EIF3L: variants seen among roughly 807,000 people sequenced by gnomAD.
EIF3L encodes eIEF associated protein HSPC021.
In EIF3L, 32 loss-of-function variants were observed where a neutral mutation model predicts 74.6. That is an observed-to-expected ratio of 0.43 (90% CI 0.32 to 0.58). The LOEUF (loss-of-function observed/expected upper bound fraction) is 0.58. Ranked by LOEUF, EIF3L falls within the 20% of genes least tolerant of loss-of-function variation. EIF3L has a pLI of 0.06. For missense variants in EIF3L, 474 were observed against 707.8 expected (o/e 0.67, Z 3.75); for synonymous variants, 256 against 254.4 (o/e 1.01, Z -0.06).
intron 3 of EIF3L, among the ~76,000 whole-genome samples, chr22:37,855,164 C>T (rs1203733737): frequency 1.3e-5 from 2 of 152,130 alleles, no homozygotes; most frequent in African/African-American, 4.8e-5. Flanking sequence ...CTGTTGTGGC[C>T]TTGGACTGCA....
intron 1 of EIF3L, 155 bp downstream of exon 1, chr22:37,849,637 A>G: frequency 1.2e-6 from 1 of 841,018 alleles, no homozygotes. Context: ...CCCGGTCCCT[A>G]GACAACCCTG....
intron 5 of EIF3L, among the ~76,000 whole-genome samples, chr22:37,862,599 T>C (rs1437960541): frequency 6.6e-6 from 1 of 152,244 alleles, no homozygotes; most frequent in African/African-American, 2.4e-5. Context: ...CGTAGTCTAG[T>C]GATGCCCGGT....
rs1196735125 is a variant in EIF3L, at chr22:37,872,724, TC to T, written c.752-1644del. ...TCCTCTACCTGCTGGGCTCAAGTGATCCTCCTACCTCAGCCTCCCAAGTAGC... is the reference window on the plus strand; with the variant it reads ...TCCTCTACCTGCTGGGCTCAAGTGATCTCCTACCTCAGCCTCCCAAGTAGC... On this transcript the variant is annotated intron_variant, in intron 8 of 12. Coordinates refer to ENST00000652021, the MANE Select transcript of EIF3L (RefSeq NM_016091.4). Among the ~76,000 whole-genome samples, 6 of 152,206 alleles carry T rather than the reference TC, an allele frequency of 3.9e-5. No individual in the cohort carries two copies. In the East Asian group the frequency reaches 9.7e-4, roughly 25 times the overall value.
At chr22:37,863,450 T>C (rs1925970452) in intron 7 of EIF3L, 105 bp downstream of exon 7, 1 of 960,650 alleles carries the variant, frequency 1.0e-6, no homozygotes, top group Non-Finnish European at 1.6e-6. Context: ...ATATCCCCAT[T>C]GTAGTGTAAA....
intron 10 of EIF3L, chr22:37,876,287 A>G (rs977107251): frequency 4.3e-5 from 9 of 209,128 alleles, no homozygotes; most frequent in African/African-American, 2.4e-4. Context: ...ACACAACAAC[A>G]CCGGCTAATT....
intron 2 of EIF3L, 52 bp downstream of exon 2, chr22:37,850,115 G>C (rs761978366): frequency 2.5e-6 from 4 of 1,601,674 alleles, no homozygotes; most frequent in Admixed American, 1.7e-5. Flanking sequence ...AGTTCCTTTG[G>C]AATGTCTTAG....
chr22:37,867,742 C>A (rs1926228788), intron 7 of EIF3L, among the ~76,000 whole-genome samples: 1 of 150,764 alleles, frequency 6.6e-6, no homozygotes, highest in African/African-American at 2.4e-5. Flanking sequence ...ATCATGAGGT[C>A]AAGAGATTGA....
intron 5 of EIF3L, among the ~76,000 whole-genome samples, chr22:37,862,396 C>T (rs547496147): frequency 1.8e-4 from 28 of 152,266 alleles, no homozygotes; most frequent in African/African-American, 4.6e-4. Context: ...GTATTTTAGT[C>T]TCGAGGGCCA....
At chr22:37,867,683 G>A (rs1462313918) in intron 7 of EIF3L, among the ~76,000 whole-genome samples, 9 of 149,726 alleles carry the variant, frequency 6.0e-5, no homozygotes, top group Admixed American at 2.0e-4. Context: ...AAATCAGCGC[G>A]GTGGTTCACA....
chr22:37,872,835 A>C (rs1044134520), intron 8 of EIF3L, among the ~76,000 whole-genome samples: 34 of 151,772 alleles, frequency 2.2e-4, no homozygotes, highest in African/African-American at 8.2e-4. Flanking sequence ...TTTGTTGCCC[A>C]GGCCAATCTT....
intron 6 of EIF3L, 32 bp downstream of exon 6, chr22:37,863,070 G>T: frequency 6.4e-7 from 1 of 1,563,944 alleles, no homozygotes; most frequent in Non-Finnish European, 8.8e-7. Context: ...GAGGGTGTGT[G>T]TGGTTATGAT....
chr22:37,850,551 C>T, intron 2 of EIF3L: 1 of 212,894 alleles, frequency 4.7e-6, no homozygotes, highest in South Asian at 5.1e-5. Flanking sequence ...GTTGTCCAGG[C>T]TGGTCTTGAA....
chr22:37,863,796 T>TG (rs1569115113), intron 7 of EIF3L, among the ~76,000 whole-genome samples: 1 of 151,892 alleles, frequency 6.6e-6, no homozygotes, highest in Non-Finnish European at 1.5e-5. Context: ...CCGGGCGCGG[T>TG]GACTCACGCC....
At chr22:37,849,878 G>A in intron 1 of EIF3L, 137 bp from the exon 2 acceptor site, 3 of 882,768 alleles carry the variant, frequency 3.4e-6, no homozygotes, top group Admixed American at 3.9e-5. Flanking sequence ...TCTAAGGCGT[G>A]TGAGTTCCTC....
chr22:37,876,048 A>C (rs1419269311), intron 10 of EIF3L, 37 bp downstream of exon 10: 1 of 1,596,456 alleles, frequency 6.3e-7, no homozygotes, highest in South Asian at 1.1e-5. Context: ...TGGCCTTTCT[A>C]ATCAGGGGGA....
chr22:37,852,124 G>C (rs1167382227), intron 3 of EIF3L, among the ~76,000 whole-genome samples: 1 of 152,084 alleles, frequency 6.6e-6, no homozygotes, highest in African/African-American at 2.4e-5. Context: ...TATATCCTCA[G>C]AAATTTATAC....
chr22:37,883,787 G>A (rs1341375651), intron 11 of EIF3L: 2 of 152,068 alleles, frequency 1.3e-5, no homozygotes, highest in Non-Finnish European at 2.9e-5. Context: ...GGGGGCGCAT[G>A]CCTGTAATAC....
chr22:37,875,870 G>A lies in EIF3L; in HGVS notation c.936G>A (p.Gln312=). 1 of 1,613,936 alleles carries A rather than the reference G, an allele frequency of 6.2e-7. No individual in the cohort carries two copies. The highest frequency in any genetic ancestry group is 1.3e-5 in the African/African-American group (1 of 74,996). ...KSMYSRVPEC[Q]VTTYYYVGFA... is the part of the protein sequence containing the mutation. Reference sequence around the variant, plus strand: ...TGTATTCCCGTGTGCCAGAGTGCCAGGTCACCACATACTATTATGTTGGGT... The same window carrying A: ...TGTATTCCCGTGTGCCAGAGTGCCAAGTCACCACATACTATTATGTTGGGT... Residue 312 remains glutamine, a synonymous_variant, in exon 10 of 13, where the codon CAG becomes CAA. Coordinates refer to ENST00000652021, the MANE Select transcript of EIF3L (RefSeq NM_016091.4).
At chr22:37,882,680 A>G (rs1927110784) in intron 11 of EIF3L, 1 of 151,888 alleles carries the variant, frequency 6.6e-6, no homozygotes, top group Non-Finnish European at 1.5e-5. Context: ...CTGTCTCAAA[A>G]AAAGAAAAAA....
Sources: allele counts gnomAD v4.1 joint callset (sites outside exome capture counted in the v4.1 genomes callset), GRCh38; gene constraint gnomAD v4.1.1; transcripts MANE v1.5; gene names NCBI Gene and HGNC (gene_info 2026-07-23, HGNC 2026-07-21).